The following CTNND2 variants were observed in gnomAD, a reference collection of about 807,000 sequenced individuals.
CTNND2 encodes the protein catenin delta 2, also known as catenin delta-2.
A neutral mutation model predicts 144.4 loss-of-function variants in CTNND2; 22 were observed. The observed-to-expected ratio is 0.15, with a 90% CI of 0.11 to 0.22. The LOEUF (loss-of-function observed/expected upper bound fraction) is 0.22, where lower values mean the gene tolerates loss of function less well. Among genes scored for constraint, CTNND2 ranks in the 10% least tolerant of loss-of-function variants. The probability of loss-of-function intolerance (pLI) is 1.00; values close to 1 mark genes in which losing one functional copy is unlikely to be tolerated. For missense variants in CTNND2, 1,353 were observed against 1,618.8 expected (o/e 0.84, Z 2.82); for synonymous variants, 751 against 695.6 (o/e 1.08, Z -1.25).
At chr5:11,241,127 C>A (rs62338525) in intron 9 of CTNND2, among the ~76,000 whole-genome samples, 17 of 151,272 alleles carry the variant, frequency 1.1e-4, no homozygotes, top group African/African-American at 3.6e-4. Flanking sequence ...ACATCCAACA[C>A]GCTCAAACAC....
At chr5:11,424,218 T>C (rs1762591895) in intron 3 of CTNND2, among the ~76,000 whole-genome samples, 1 of 152,174 alleles carries the variant, frequency 6.6e-6, no homozygotes, top group South Asian at 2.1e-4. Context: ...ATGTGAAACA[T>C]GCAACAACTC....
intron 12 of CTNND2, among the ~76,000 whole-genome samples, chr5:11,140,754 A>T (rs1756647930): frequency 6.6e-6 from 1 of 152,180 alleles, no homozygotes; most frequent in Non-Finnish European, 1.5e-5. Flanking sequence ...TGTATAGGAG[A>T]AGCCATCTGT....
chr5:11,211,794 TAGAG>T (rs1738666007), intron 10 of CTNND2, among the ~76,000 whole-genome samples: 1 of 152,222 alleles, frequency 6.6e-6, no homozygotes, highest in Non-Finnish European at 1.5e-5. Flanking sequence ...GCAGAAATAA[TAGAG>T]AAATTGTTTT....
intron 1 of CTNND2, among the ~76,000 whole-genome samples, chr5:11,833,085 G>A (rs1793993503): frequency 6.6e-6 from 1 of 152,306 alleles, no homozygotes; most frequent in Admixed American, 6.5e-5. Flanking sequence ...TAAGAGTTTG[G>A]TGTTTTTAAA....
chr5:11,176,725 T>C (rs1253285297), intron 11 of CTNND2, among the ~76,000 whole-genome samples: 1 of 152,160 alleles, frequency 6.6e-6, no homozygotes, highest in Non-Finnish European at 1.5e-5. Context: ...TGGGCTCTAC[T>C]GTCATGACTG....
chr5:11,629,781 C>G (rs1169871653), intron 2 of CTNND2, among the ~76,000 whole-genome samples: 1 of 152,042 alleles, frequency 6.6e-6, no homozygotes, highest in African/African-American at 2.4e-5. Flanking sequence ...AGCAATCCTC[C>G]CACCTCAGCC....
intron 10 of CTNND2, among the ~76,000 whole-genome samples, chr5:11,217,090 T>C (rs1051700569): frequency 1.3e-5 from 2 of 152,216 alleles, no homozygotes; most frequent in African/African-American, 4.8e-5. Flanking sequence ...CTTGACTCAA[T>C]GGTCAACTCA....
At chr5:11,043,465 G>C (rs1480363109) in intron 16 of CTNND2, among the ~76,000 whole-genome samples, 1 of 151,938 alleles carries the variant, frequency 6.6e-6, no homozygotes, top group Non-Finnish European at 1.5e-5. Context: ...TTGTATTTGC[G>C]CTATACTAAA....
rs61750691 is a variant in CTNND2 at position 11,348,645 on chromosome 5, T to C, written c.1373-2018A>G. ...AAGTGTCAGAGATCAGGAAATAATA[T>C]TGAAATCTAAAGAAGTCTTTTTGTT... is the stretch of plus-strand genomic sequence containing the variant. On this transcript the variant is annotated intron_variant, in intron 8 of 21. Transcript: ENST00000304623. Among the ~76,000 whole-genome samples the C allele has an allele frequency of 2.6e-3, 392 of 151,742 alleles. 4 individuals are homozygous for C. Among genetic ancestry groups the C allele is most frequent in the East Asian group, 0.022 (107 of 4,838 alleles).
At chr5:11,290,135 AT>A (rs1561160485) in intron 9 of CTNND2, among the ~76,000 whole-genome samples, 1 of 152,102 alleles carries the variant, frequency 6.6e-6, no homozygotes, top group African/African-American at 2.4e-5. Flanking sequence ...GAATAGCAGC[AT>A]TTTTACATGG....
At chr5:11,083,694 C>G (rs1278289286) in intron 15 of CTNND2, among the ~76,000 whole-genome samples, 2 of 152,226 alleles carry the variant, frequency 1.3e-5, no homozygotes, top group Admixed American at 6.5e-5. Flanking sequence ...TATAAAAATT[C>G]ACAAATGTAA....
At chr5:11,448,831 G>T (rs1765066694) in intron 3 of CTNND2, among the ~76,000 whole-genome samples, 1 of 151,280 alleles carries the variant, frequency 6.6e-6, no homozygotes. Context: ...ACCAGGCCTG[G>T]CTTTTTGTGT....
chr5:11,304,266 AT>A (rs747948142), intron 9 of CTNND2, among the ~76,000 whole-genome samples: 2 of 152,024 alleles, frequency 1.3e-5, no homozygotes, highest in Non-Finnish European at 2.9e-5. Flanking sequence ...AAACCGTTTC[AT>A]TATTTTTTAT....
At chr5:11,662,513 G>A (rs1783326155) in intron 2 of CTNND2, among the ~76,000 whole-genome samples, 1 of 151,940 alleles carries the variant, frequency 6.6e-6, no homozygotes, top group African/African-American at 2.4e-5. Flanking sequence ...TTTTCTGCCT[G>A]CTTTATAGTC....
chr5:11,266,336 T>TAC (rs1359422884), intron 9 of CTNND2, among the ~76,000 whole-genome samples: 4 of 152,142 alleles, frequency 2.6e-5, no homozygotes, highest in Non-Finnish European at 4.4e-5. Flanking sequence ...TTATCATAAA[T>TAC]ACACACAAAA....
chr5:11,826,126 A>G (rs1016992246), intron 1 of CTNND2, among the ~76,000 whole-genome samples: 2 of 152,048 alleles, frequency 1.3e-5, no homozygotes, highest in Non-Finnish European at 2.9e-5. Flanking sequence ...ATTTAAAAAC[A>G]TAACGTTGAC....
intron 21 of CTNND2, among the ~76,000 whole-genome samples, chr5:10,975,650 G>A (rs190695070): frequency 3.5e-4 from 54 of 152,356 alleles, no homozygotes; most frequent in African/African-American, 1.3e-3. Context: ...CAGAGCCAAG[G>A]TGGCCAAACC....
chr5:11,561,170 CTT>C (rs1304584551), intron 3 of CTNND2, among the ~76,000 whole-genome samples: 3 of 152,284 alleles, frequency 2.0e-5, no homozygotes, highest in African/African-American at 7.2e-5. Flanking sequence ...CCAAGAGGGA[CTT>C]GATTATCATC....
chr5:11,023,671 G>A (rs1382624211), intron 16 of CTNND2, among the ~76,000 whole-genome samples: 1 of 152,162 alleles, frequency 6.6e-6, no homozygotes, highest in African/African-American at 2.4e-5. Flanking sequence ...GTTCTACCAG[G>A]TAACACTTAC....
Sources: gnomAD v4.1 joint callset for allele counts (sites outside exome capture counted in the v4.1 genomes callset) on GRCh38, gnomAD v4.1.1 for gene constraint, MANE v1.5 for transcripts, NCBI Gene and HGNC (gene_info 2026-07-23, HGNC 2026-07-21) for gene names.